The following OPHN1 variants were observed in gnomAD, a reference collection of about 807,000 sequenced individuals.
OPHN1 encodes the protein oligophrenin-1.
A neutral mutation model predicts 60.7 loss-of-function variants in OPHN1; 11 were observed. That is an observed-to-expected ratio of 0.18 (90% confidence interval 0.11 to 0.30). OPHN1 has a LOEUF of 0.30. Among genes scored for constraint, OPHN1 ranks in the 10% least tolerant of loss-of-function variants. The pLI is 1.00. For synonymous variants in OPHN1, 226 were observed against 222.6 expected, an observed-to-expected ratio of 1.02 and a Z score of -0.14; for missense variants, 449 against 611.0, an observed-to-expected ratio of 0.73 and a Z score of 2.80.
chrX:68,137,740 C>T (rs1232580281), intron 15 of OPHN1, among the ~76,000 whole-genome samples: 1 of 111,473 alleles, frequency 9.0e-6, no homozygotes, highest in East Asian at 2.8e-4. Flanking sequence ...TTATTTAATT[C>T]CCTAGTGTCA....
chrX:68,087,590 T>C (rs2077000308), intron 19 of OPHN1, among the ~76,000 whole-genome samples: 1 of 112,196 alleles, frequency 8.9e-6, no homozygotes. Flanking sequence ...TCCAGACCCA[T>C]TCTAACTCTT....
chrX:68,086,304 A>T (rs2076995632), intron 19 of OPHN1, among the ~76,000 whole-genome samples: 1 of 111,710 alleles, frequency 9.0e-6, no homozygotes, highest in Non-Finnish European at 1.9e-5. Flanking sequence ...ATCTCATGCA[A>T]TCATTGTGAA....
intron 15 of OPHN1, among the ~76,000 whole-genome samples, chrX:68,150,120 A>C (rs969997233): frequency 3.6e-5 from 4 of 111,674 alleles, no homozygotes; most frequent in African/African-American, 1.3e-4. Flanking sequence ...GGAAATTTAC[A>C]AAAAAAGAAA....
chrX:68,103,770 G>T (rs1181695228), intron 18 of OPHN1, among the ~76,000 whole-genome samples: 2 of 106,753 alleles, frequency 1.9e-5, no homozygotes, highest in African/African-American at 6.9e-5. Flanking sequence ...ACAAGACAAG[G>T]ATGCCCTCTC....
intron 2 of OPHN1, among the ~76,000 whole-genome samples, chrX:68,432,637 G>A (rs886916473): frequency 9.0e-6 from 1 of 111,503 alleles, no homozygotes; most frequent in African/African-American, 3.3e-5. Flanking sequence ...GCACAGCTAC[G>A]GATCACGTCT....
intron 11 of OPHN1, among the ~76,000 whole-genome samples, chrX:68,199,844 T>C (rs2077527265): frequency 8.9e-6 from 1 of 112,722 alleles, no homozygotes; most frequent in South Asian, 3.6e-4. Flanking sequence ...GTGGATGTCT[T>C]GAGGCCAGGA....
chrX:68,285,283 T>A (rs902871647), intron 3 of OPHN1, among the ~76,000 whole-genome samples: 2 of 111,785 alleles, frequency 1.8e-5, no homozygotes, highest in African/African-American at 6.5e-5. Flanking sequence ...TTGCTCTTGT[T>A]TTTCAAGTGT....
chrX:68,319,415 A>G (rs992220940), intron 2 of OPHN1, among the ~76,000 whole-genome samples: 1 of 111,231 alleles, frequency 9.0e-6, no homozygotes, highest in African/African-American at 3.3e-5. Context: ...GTTCTTAGAC[A>G]TAATACCAAA....
intron 6 of OPHN1, among the ~76,000 whole-genome samples, chrX:68,218,538 G>C (rs1330881109): frequency 1.0e-4 from 11 of 109,979 alleles, no homozygotes; most frequent in African/African-American, 3.6e-4. Context: ...AGAAAGGTCG[G>C]GTTACCCTCA....
intron 4 of OPHN1, among the ~76,000 whole-genome samples, chrX:68,277,062 A>C (rs2077995097): frequency 8.9e-6 from 1 of 111,751 alleles, no homozygotes; most frequent in Non-Finnish European, 1.9e-5. Flanking sequence ...AAATAATTAC[A>C]AATAATTAGT....
At chrX:68,379,029 G>A (rs2078578693) in intron 2 of OPHN1, among the ~76,000 whole-genome samples, 1 of 110,593 alleles carries the variant, frequency 9.0e-6, no homozygotes, top group East Asian at 2.8e-4. Flanking sequence ...TGGGCAGTAT[G>A]GCCATTTTCA....
intron 10 of OPHN1, among the ~76,000 whole-genome samples, chrX:68,204,231 T>G (rs997332343): frequency 3.6e-5 from 4 of 112,400 alleles, no homozygotes; most frequent in Non-Finnish European, 7.5e-5. Context: ...GGGATGAAGA[T>G]CTAATAAATT....
At chrX:68,317,422 A>AGGAAGGAAGGAG (rs1569278228) in intron 2 of OPHN1, among the ~76,000 whole-genome samples, 7 of 89,914 alleles carry the variant, frequency 7.8e-5, no homozygotes, top group African/African-American at 2.7e-4. Flanking sequence ...GAAGGAAGGA[A>AGGAAGGAAGGAG]GGAGCGAGGG....
chrX:68,235,336 A>G (rs898424551), intron 5 of OPHN1, among the ~76,000 whole-genome samples: 4 of 112,149 alleles, frequency 3.6e-5, no homozygotes, highest in Non-Finnish European at 7.5e-5. Flanking sequence ...TTCTCTTAGC[A>G]TCATGCTGGA....
At chrX:68,224,642 C>A (rs2077680642) in intron 6 of OPHN1, among the ~76,000 whole-genome samples, 1 of 112,207 alleles carries the variant, frequency 8.9e-6, no homozygotes, top group African/African-American at 3.2e-5. Context: ...GAAGAAAGAT[C>A]TCTTATTAAT....
intron 2 of OPHN1, among the ~76,000 whole-genome samples, chrX:68,306,162 G>A (rs1466006464): frequency 1.8e-5 from 2 of 112,093 alleles, no homozygotes; most frequent in Admixed American, 9.5e-5. Context: ...AGTTGTCTGA[G>A]CATTGGCCAA....
intron 15 of OPHN1, among the ~76,000 whole-genome samples, chrX:68,168,235 T>C (rs2077369611): frequency 9.0e-6 from 1 of 110,764 alleles, no homozygotes; most frequent in Non-Finnish European, 1.9e-5. Context: ...TATTCCAAAA[T>C]TGAACACATA....
chrX:68,144,931 A>G (rs1200955613), intron 15 of OPHN1, among the ~76,000 whole-genome samples: 3 of 112,040 alleles, frequency 2.7e-5, no homozygotes, highest in African/African-American at 9.7e-5. Flanking sequence ...AAAGTATGCC[A>G]TCCTTGATCT....
intron 2 of OPHN1, among the ~76,000 whole-genome samples, chrX:68,353,951 G>A (rs1304083204): frequency 8.9e-6 from 1 of 111,973 alleles, no homozygotes; most frequent in Non-Finnish European, 1.9e-5. Flanking sequence ...CCATAGTGAT[G>A]AAGACTCAGC....
Sources: allele counts gnomAD v4.1 joint callset (sites outside exome capture counted in the v4.1 genomes callset), GRCh38; gene constraint gnomAD v4.1.1; transcripts MANE v1.5; gene names NCBI Gene and HGNC (gene_info 2026-07-23, HGNC 2026-07-21).